Variants in MTG1 observed in about 807,000 individuals in gnomAD.
MTG1 encodes the protein mitochondrial ribosome-associated GTPase 1.
MTG1 carries 30 observed loss-of-function variants against 39.5 expected under a neutral mutation model. The observed-to-expected ratio is 0.76, with a 90% CI of 0.57 to 1.03. The LOEUF is 1.03. Among genes scored for constraint, MTG1 ranks in the 50% least tolerant of loss-of-function variants. The pLI is 0.00. For missense variants in MTG1, 513 were observed against 447.4 expected (o/e 1.15, Z -1.32); for synonymous variants, 217 against 179.0 (o/e 1.21, Z -1.69).
chr10:133,418,958 A>C lies in MTG1; in HGVS notation c.753-522A>C, dbSNP rs968940327. Among the ~76,000 whole-genome samples, 3 of 152,194 alleles carry C rather than the reference A, an allele frequency of 2.0e-5. No individual in the cohort carries two copies. In the East Asian group the frequency reaches 5.8e-4, roughly 29 times the overall value. ...GCAGCGGTGGGTGCCTAGTCAGCCC[A>C]TGCTGGTCCCTGTGCTAGGAAAACA... On this transcript the variant is annotated intron_variant, in intron 9 of 10. Transcript: ENST00000317502.
chr10:133,398,353 T>C (rs1055466929), intron 3 of MTG1, 82 bp from the exon 4 acceptor site: 3 of 1,388,136 alleles, frequency 2.2e-6, no homozygotes, highest in Non-Finnish European at 3.0e-6. Context: ...GGAGCCGAGA[T>C]TGTGCTACTG....
chr10:133,400,843 C>T (rs1455193698), intron 6 of MTG1, among the ~76,000 whole-genome samples: 1 of 152,202 alleles, frequency 6.6e-6, no homozygotes, highest in Admixed American at 6.5e-5. Flanking sequence ...ACTCACAGTA[C>T]TTGGCCTTTT....
intron 3 of MTG1, among the ~76,000 whole-genome samples, chr10:133,397,189 C>T (rs1372102515): frequency 6.6e-6 from 1 of 152,152 alleles, no homozygotes; most frequent in Non-Finnish European, 1.5e-5. Context: ...GTGAAAGTAC[C>T]GAAAGTCTCT....
intron 9 of MTG1, among the ~76,000 whole-genome samples, chr10:133,411,932 A>C (rs1156369324): frequency 6.6e-6 from 1 of 151,772 alleles, no homozygotes; most frequent in Non-Finnish European, 1.5e-5. Flanking sequence ...TTGCCATCTC[A>C]TTAGGGTTGG....
chr10:133,403,420 T>C (rs1849916967), intron 9 of MTG1, among the ~76,000 whole-genome samples: 1 of 151,696 alleles, frequency 6.6e-6, no homozygotes. Context: ...CCCCAGTCCC[T>C]GTGCTCCTTC....
chr10:133,412,833 A>G (rs890630889), intron 9 of MTG1, among the ~76,000 whole-genome samples: 2 of 151,940 alleles, frequency 1.3e-5, no homozygotes. Flanking sequence ...TTCGATGTTT[A>G]TTTTTTTATT....
chr10:133,406,243 G>A (rs1849968815), intron 9 of MTG1, among the ~76,000 whole-genome samples: 1 of 152,070 alleles, frequency 6.6e-6, no homozygotes, highest in Admixed American at 6.5e-5. Context: ...ATTCCTTGTT[G>A]AGTAGTTTGC....
rs1004379362 is a variant in MTG1, at chr10:133,402,805, CCCT to C, written c.752+39_752+41del. On this transcript the variant is annotated intron_variant, in intron 9 of 10. Transcript: ENST00000317502. The surrounding 1 kb of genome is among the most constrained non-coding windows in gnomAD (Gnocchi z 4.7). The stretch of plus-strand genomic sequence containing the variant: ...GCAGTGAATGCAGGGCAGCTGGGGC[CCCT>C]CCTCCTAGTCACCTCATTTAAAAAA... 9 of 1,521,168 alleles carry C rather than the reference CCCT, an allele frequency of 5.9e-6. No homozygotes were observed. The highest frequency in any genetic ancestry group is 7.1e-6 in the Non-Finnish European group (8 of 1,122,524). 94.2% of individuals were successfully genotyped at this position (1,521,168 alleles called of 1,614,324 possible).
At chr10:133,396,528 C>T (rs765243477) in intron 3 of MTG1, among the ~76,000 whole-genome samples, 3 of 152,158 alleles carry the variant, frequency 2.0e-5, no homozygotes, top group Admixed American at 1.3e-4. Context: ...TGCCAGAGCC[C>T]GAGTGGTCAG....
rs1465859725 is a variant in MTG1 at position 133,394,190 on chromosome 10, C to T, written c.-31C>T. Reference sequence around the variant, plus strand: ...GTCGCAGCGGCGCAGAGGAGGTCAGCTGCGGGAGCGTTTCCGGGGACGGTG... The same window carrying T: ...GTCGCAGCGGCGCAGAGGAGGTCAGTTGCGGGAGCGTTTCCGGGGACGGTG... On this transcript the variant is annotated 5_prime_UTR_variant, in exon 1 of 11. Transcript: ENST00000317502. 1.3e-6 allele frequency: 2 copies of T among 1,488,572 alleles called. No homozygotes were observed. The highest frequency in any genetic ancestry group is 2.1e-5 in the Admixed American group (1 of 48,750). The allele number at this position is 1,488,572 out of a possible 1,614,324, so 92.2% of individuals were successfully genotyped here.
intron 9 of MTG1, among the ~76,000 whole-genome samples, chr10:133,414,922 G>A (rs1455455406): frequency 1.3e-5 from 2 of 152,254 alleles, no homozygotes; most frequent in Non-Finnish European, 2.9e-5. Flanking sequence ...CCTGCACCTC[G>A]GGAGGCCGAG....
intron 1 of MTG1, chr10:133,394,606 C>G: frequency 1.5e-6 from 2 of 1,295,206 alleles, no homozygotes; most frequent in Non-Finnish European, 2.0e-6. Flanking sequence ...CTCTGGCCCG[C>G]CGCCCCTGTC....
At chr10:133,416,017 A>AGGCGGG (rs1564823381) in intron 9 of MTG1, among the ~76,000 whole-genome samples, 1,890 of 137,550 alleles carry the variant, frequency 0.014, 19 homozygotes, top group African/African-American at 0.032. Flanking sequence ...GGTGTCGGGC[A>AGGCGGG]CGTGGGTGTC....
At chr10:133,404,526 AG>A (rs1203493204) in intron 9 of MTG1, among the ~76,000 whole-genome samples, 2 of 152,024 alleles carry the variant, frequency 1.3e-5, no homozygotes, top group Non-Finnish European at 2.9e-5. Flanking sequence ...CCCTCTTAAC[AG>A]TGTTTTCCGA....
At chr10:133,415,933 G>T (rs1358037271) in intron 9 of MTG1, among the ~76,000 whole-genome samples, 1 of 152,022 alleles carries the variant, frequency 6.6e-6, no homozygotes, top group Non-Finnish European at 1.5e-5. Flanking sequence ...GTATCACGTG[G>T]GTATCAGGCA....
intron 9 of MTG1, among the ~76,000 whole-genome samples, chr10:133,406,078 TG>T (rs1849965888): frequency 6.6e-6 from 1 of 152,268 alleles, no homozygotes; most frequent in Non-Finnish European, 1.5e-5. Context: ...TGCATTTCTC[TG>T]GTGATTAGTC....
rs749155561 is a variant in MTG1, at chr10:133,395,682, C to A, written c.113-31C>A. On this transcript the variant is annotated intron_variant, in intron 1 of 10. Transcript: ENST00000317502. ...CGATCACTCTAGAAAGGTTGTGAGCCCCTTCGCTGAGGCGTCCTTCTGTTT... is the reference window on the plus strand; with the variant it reads ...CGATCACTCTAGAAAGGTTGTGAGCACCTTCGCTGAGGCGTCCTTCTGTTT... 3 of 1,610,972 alleles carry A rather than the reference C, an allele frequency of 1.9e-6. No individual in the cohort carries two copies. The Admixed American group carries it at 5.0e-5, about 27-fold the overall frequency.
In MTG1 at chr10:133,413,187, T is replaced by C. The variant is rs868574972; in HGVS notation, c.753-6293T>C. On this transcript the variant is annotated intron_variant, in intron 9 of 10. Transcript: ENST00000317502. ...GTGCAGAGGTACAATGTTGTCTCAC[T>C]GCAACCTCCGCCTCCTGGGTTCAAA... Among the ~76,000 whole-genome samples, 19 of 152,218 alleles carry C rather than the reference T, an allele frequency of 1.2e-4. 1 individual carries two copies. Among genetic ancestry groups the C allele is most frequent in the Admixed American group, 9.2e-4 (14 of 15,286 alleles).
rs765273817 is a variant in MTG1, at chr10:133,396,190, T to C, written c.205T>C (p.Phe69Leu). The change falls in exon 3 of 11, where the codon TTT (phenylalanine) becomes CTT (leucine). Residue 69 changes from phenylalanine (F) to leucine (L), a missense_variant. By Grantham distance (22) the Phe-to-Leu change is conservative (BLOSUM62 0). Coordinates refer to ENST00000317502, the MANE Select transcript of MTG1 (RefSeq NM_138384.4). ...RIPLSGRNPL[F>L]QETLGLKPHL... is the part of the protein sequence containing the mutation. Reference sequence around the variant, plus strand: ...CCCACTTTCAGGCCGCAACCCTCTGTTTCAGGAAACCCTTGGGCTTAAGCC... The same window carrying C: ...CCCACTTTCAGGCCGCAACCCTCTGCTTCAGGAAACCCTTGGGCTTAAGCC... The C allele has an allele frequency of 1.2e-5, 19 of 1,614,050 alleles. No individual in the cohort carries two copies. The African/African-American group carries it at 2.3e-4, about 19-fold the overall frequency.
Sources: gnomAD v4.1 joint callset for allele counts (sites outside exome capture counted in the v4.1 genomes callset) on GRCh38, gnomAD v4.1.1 for gene constraint, Gnocchi (gnomAD v3.1) non-coding constraint, MANE v1.5 for transcripts, NCBI Gene and HGNC (gene_info 2026-07-23, HGNC 2026-07-21) for gene names.